KATNIP: variants seen among roughly 807,000 people sequenced by gnomAD.
The protein encoded by KATNIP is katanin interacting protein, also known as katanin-interacting protein.
KATNIP carries 126 observed loss-of-function variants against 174.0 expected under a neutral mutation model. That is an observed-to-expected ratio of 0.72 (90% confidence interval 0.63 to 0.84). The LOEUF (loss-of-function observed/expected upper bound fraction) is 0.84, where lower values mean the gene tolerates loss of function less well. Ranked by LOEUF, KATNIP falls within the 40% of genes least tolerant of loss-of-function variation. The probability of loss-of-function intolerance (pLI) is 0.00; values close to 1 mark genes in which losing one functional copy is unlikely to be tolerated. For synonymous variants in KATNIP, 810 were observed against 835.7 expected (o/e 0.97, Z 0.53); for missense variants, 1,958 against 2,109.7 (o/e 0.93, Z 1.41).
Position 27,631,063 on chromosome 16 carries a change from A to G in KATNIP, c.311-2A>G. On this transcript the variant is annotated splice_acceptor_variant, in intron 4 of 27. Transcript: ENST00000261588. LOFTEE classifies it high-confidence loss of function. ...AGTCTCCTTCCCTCGTCTCTGGTGCAGATTATGGACGAAGAACTCTGTTTC... is the reference window on the plus strand; with the variant it reads ...AGTCTCCTTCCCTCGTCTCTGGTGCGGATTATGGACGAAGAACTCTGTTTC... 6 of 1,563,010 alleles carry G rather than the reference A, an allele frequency of 3.8e-6. No homozygotes were observed. The highest frequency in any genetic ancestry group is 5.2e-6 in the Non-Finnish European group (6 of 1,152,306).
chr16:27,663,155 T>C (rs1371567256), intron 6 of KATNIP, among the ~76,000 whole-genome samples: 14 of 137,558 alleles, frequency 1.0e-4, no homozygotes, highest in Admixed American at 5.0e-4. Flanking sequence ...TCTTCTTCTT[T>C]TTTTTTTTTT....
chr16:27,550,232 C>T (rs1332152771), intron 1 of KATNIP, 55 bp downstream of exon 1: 13 of 1,583,200 alleles, frequency 8.2e-6, no homozygotes, highest in African/African-American at 6.7e-5. Context: ...CCATCCCTCC[C>T]GACCGCGCTT....
chr16:27,648,121 C>G (rs550855791), intron 5 of KATNIP, among the ~76,000 whole-genome samples: 1 of 151,984 alleles, frequency 6.6e-6, no homozygotes, highest in Non-Finnish European at 1.5e-5. Flanking sequence ...GTGGCAAAAC[C>G]CCGTCTCTAC....
intron 5 of KATNIP, among the ~76,000 whole-genome samples, chr16:27,646,894 C>T (rs1387596413): frequency 1.3e-5 from 2 of 152,236 alleles, no homozygotes; most frequent in Non-Finnish European, 2.9e-5. Context: ...CTCCCCCCAG[C>T]ACCAGTCAGC....
At chr16:27,705,199 C>G (rs1344431441) in intron 12 of KATNIP, among the ~76,000 whole-genome samples, 3 of 152,200 alleles carry the variant, frequency 2.0e-5, no homozygotes, top group Non-Finnish European at 4.4e-5. Flanking sequence ...GCGTGAGCCA[C>G]CACACCCAGC....
At chr16:27,696,952 C>T (rs917292962) in intron 8 of KATNIP, among the ~76,000 whole-genome samples, 1 of 152,122 alleles carries the variant, frequency 6.6e-6, no homozygotes, top group African/African-American at 2.4e-5. Flanking sequence ...TGATCTCGAA[C>T]TCCTGACTTC....
intron 17 of KATNIP, among the ~76,000 whole-genome samples, chr16:27,753,801 CCT>C (rs1179409443): frequency 7.0e-6 from 1 of 143,494 alleles, no homozygotes; most frequent in Non-Finnish European, 1.5e-5. Flanking sequence ...TTCCTTCCTT[CCT>C]CTCTCCCTTC....
rs151158623 is a variant in KATNIP at position 27,556,483 on chromosome 16, G to A, written c.7+6306G>A. On this transcript the variant is annotated intron_variant, in intron 1 of 27. Transcript: ENST00000261588. ...AAAGTTCAGCACATTGATATAATTAGAAAGGATTTGGAAGTTGTTCATTTG... is the reference window on the plus strand; with the variant it reads ...AAAGTTCAGCACATTGATATAATTAAAAAGGATTTGGAAGTTGTTCATTTG... Among the ~76,000 whole-genome samples the A allele has an allele frequency of 3.9e-5, 6 of 152,290 alleles. No homozygotes were observed. In the East Asian group the frequency reaches 9.6e-4, roughly 24 times the overall value.
In KATNIP at chr16:27,628,718, G is replaced by C; in HGVS notation, c.198G>C (p.Glu66Asp). 2 of 1,614,224 alleles carry C rather than the reference G, an allele frequency of 1.2e-6. No individual in the cohort carries two copies. Among genetic ancestry groups the C allele is most frequent in the Non-Finnish European group, 1.7e-6 (2 of 1,180,040 alleles). ...DPVQLRLEHL[E>D]QGFSVYVNGA... ...TGCAATTGAGGCTGGAGCACTTGGAGCAAGGTTTCTCTGTCTATGTCAACG... is the reference window on the plus strand; with the variant it reads ...TGCAATTGAGGCTGGAGCACTTGGACCAAGGTTTCTCTGTCTATGTCAACG... Residue 66 changes from glutamate to aspartate, a missense_variant, in exon 4 of 28, where the codon GAG (glutamate) becomes GAC (aspartate). Transcript: ENST00000261588.
At chr16:27,600,948 G>A (rs1465967278) in intron 2 of KATNIP, among the ~76,000 whole-genome samples, 1 of 151,942 alleles carries the variant, frequency 6.6e-6, no homozygotes, top group African/African-American at 2.4e-5. Flanking sequence ...GGCCAGGCTG[G>A]TCTCAAACTC....
chr16:27,770,803 G>T (rs2082271897), intron 21 of KATNIP, among the ~76,000 whole-genome samples: 1 of 152,216 alleles, frequency 6.6e-6, no homozygotes, highest in African/African-American at 2.4e-5. Context: ...TTTTACAGAT[G>T]TGGGAACTGA....
At chr16:27,751,972 T>A (rs141236601) in intron 17 of KATNIP, 48 bp downstream of exon 17, 1 of 1,482,826 alleles carries the variant, frequency 6.7e-7, no homozygotes, top group Non-Finnish European at 9.1e-7. Flanking sequence ...GATAGGTTTC[T>A]TCCCCTAACT....
chr16:27,647,340 C>T (rs1453649156), intron 5 of KATNIP, among the ~76,000 whole-genome samples: 5 of 145,504 alleles, frequency 3.4e-5, no homozygotes, highest in African/African-American at 1.4e-4. Flanking sequence ...ATCACAAAGC[C>T]CCCCCCTTTC....
chr16:27,561,449 T>C (rs553215881), intron 1 of KATNIP, among the ~76,000 whole-genome samples: 2 of 152,294 alleles, frequency 1.3e-5, no homozygotes, highest in East Asian at 3.9e-4. Flanking sequence ...AGCATTCCTG[T>C]CCTGGCCCAA....
intron 11 of KATNIP, among the ~76,000 whole-genome samples, chr16:27,702,835 C>A (rs2142993644): frequency 6.6e-6 from 1 of 152,252 alleles, no homozygotes; most frequent in Non-Finnish European, 1.5e-5. Flanking sequence ...GGGCTGTGTA[C>A]CATTGTGGCC....
chr16:27,771,675 C>T (rs200104241), intron 22 of KATNIP, 23 bp downstream of exon 22: 3 of 1,611,442 alleles, frequency 1.9e-6, no homozygotes, highest in South Asian at 1.1e-5. Flanking sequence ...TCCCGCCCCA[C>T]CAGCACATTC....
rs924520171 is a variant in KATNIP, at chr16:27,699,643, C to T, written c.1179+44C>T. On this transcript the variant is annotated intron_variant, in intron 10 of 27. Transcript: ENST00000261588. Reference sequence around the variant, plus strand: ...TGAATGACAAAGCCCCACGCATGTGCGTAGCTCCCGATGGTGCCAGGCAGA... The same window carrying T: ...TGAATGACAAAGCCCCACGCATGTGTGTAGCTCCCGATGGTGCCAGGCAGA... 6.8e-6 allele frequency: 11 copies of T among 1,612,426 alleles called. No homozygotes were observed. In the East Asian group the frequency reaches 8.9e-5, roughly 13 times the overall value.
At chr16:27,752,274 A>G (rs2081551180) in intron 17 of KATNIP, among the ~76,000 whole-genome samples, 2 of 152,048 alleles carry the variant, frequency 1.3e-5, no homozygotes, top group South Asian at 4.1e-4. Flanking sequence ...TGATGGAAGG[A>G]CTAGGAATGC....
intron 5 of KATNIP, among the ~76,000 whole-genome samples, chr16:27,631,491 G>T (rs183560978): frequency 4.6e-5 from 7 of 151,456 alleles, no homozygotes; most frequent in Non-Finnish European, 8.8e-5. Context: ...CCCGCAGTGA[G>T]CTACAGTTGC....
Sources: gnomAD v4.1 joint callset for allele counts (sites outside exome capture counted in the v4.1 genomes callset) on GRCh38, gnomAD v4.1.1 for gene constraint, MANE v1.5 for transcripts, NCBI Gene and HGNC (gene_info 2026-07-23, HGNC 2026-07-21) for gene names.